The following NCALD variants were observed in gnomAD, a reference collection of about 807,000 sequenced individuals.
The protein encoded by NCALD is neurocalcin delta, also known as neurocalcin-delta.
In NCALD, 10 loss-of-function variants were observed where a neutral mutation model predicts 18.6. The ratio of observed to expected loss-of-function variants is 0.54; its 90% CI spans 0.33 to 0.91. NCALD has a LOEUF of 0.91. NCALD is among the 40% of genes least tolerant of loss of function. The probability of loss-of-function intolerance (pLI) is 0.03; values close to 1 mark genes in which losing one functional copy is unlikely to be tolerated. For synonymous variants in NCALD, 88 were observed against 87.4 expected (o/e 1.01, Z -0.04); for missense variants, 184 against 247.6 (o/e 0.74, Z 1.72).
chr8:102,118,416 C>A (rs192307329), intron 1 of NCALD, among the ~76,000 whole-genome samples: 19 of 152,344 alleles, frequency 1.2e-4, no homozygotes, highest in African/African-American at 4.6e-4. Flanking sequence ...ATTAACTTTC[C>A]TCAGTTACTG....
Position 101,689,138 on chromosome 8 carries a change from G to A in NCALD, c.*171C>T, listed in dbSNP as rs138104462. 3.9e-4 allele frequency: 279 copies of A among 716,570 alleles called. No homozygotes were observed. The highest frequency in any genetic ancestry group is 3.1e-3 in the African/African-American group (180 of 57,452). The allele number at this position is 716,570 out of a possible 1,614,324, so 44.4% of individuals were successfully genotyped here. A position where few individuals can be genotyped will look rare whatever the true frequency, so the allele number is the denominator to read the frequency against. ...ACACTGGGGCTCTGGGCATTCCCAC[G>A]AAGCATCCACGACAAAAGAAGCTGA... On this transcript the variant is annotated 3_prime_UTR_variant, in exon 4 of 4. Transcript: ENST00000220931. This position sits in a 1 kb window ranked among gnomAD's most constrained non-coding sequence, Gnocchi z 4.4.
intron 1 of NCALD, among the ~76,000 whole-genome samples, chr8:102,123,448 T>A (rs75947605): frequency 0.047 from 6,258 of 132,454 alleles, 161 homozygotes; most frequent in South Asian, 0.086. Flanking sequence ...AAAGCAAGCA[T>A]CTGCAGCATT....
intron 1 of NCALD, among the ~76,000 whole-genome samples, chr8:102,023,145 C>A (rs187455874): frequency 1.1e-4 from 16 of 152,172 alleles, no homozygotes; most frequent in African/African-American, 3.9e-4. Context: ...AAGCATCACC[C>A]GCCCTGAAGG....
chr8:101,914,184 A>G (rs1817898000), intron 3 of NCALD, among the ~76,000 whole-genome samples: 1 of 152,164 alleles, frequency 6.6e-6, no homozygotes, highest in Admixed American at 6.5e-5. Flanking sequence ...ACTATCTCTC[A>G]GACTTGAGTT....
At chr8:101,872,319 C>T in intron 4 of NCALD, 1 of 1,412,990 alleles carries the variant, frequency 7.1e-7, no homozygotes, top group Non-Finnish European at 1.0e-6. Context: ...CAGCGAGTCT[C>T]TGCCATCTGT....
At chr8:101,917,959 C>T (rs1209802821) in intron 2 of NCALD, among the ~76,000 whole-genome samples, 1 of 151,986 alleles carries the variant, frequency 6.6e-6, no homozygotes, top group Non-Finnish European at 1.5e-5. Flanking sequence ...GGAGAAAGAA[C>T]TCCTCCCTAA....
At chr8:101,950,942 A>G (rs1819391554) in intron 2 of NCALD, among the ~76,000 whole-genome samples, 1 of 152,354 alleles carries the variant, frequency 6.6e-6, no homozygotes, top group South Asian at 2.1e-4. Context: ...TACAAGTACT[A>G]AACACTACAG....
At chr8:102,118,796 A>G (rs1825863670) in intron 1 of NCALD, among the ~76,000 whole-genome samples, 2 of 152,044 alleles carry the variant, frequency 1.3e-5, no homozygotes, top group Admixed American at 1.3e-4. Flanking sequence ...CAGGCAACAA[A>G]TATCCAATGG....
chr8:102,067,512 G>A (rs971774359), intron 1 of NCALD, among the ~76,000 whole-genome samples: 1 of 151,958 alleles, frequency 6.6e-6, no homozygotes, highest in East Asian at 1.9e-4. Context: ...TTTTAGCAAG[G>A]ACTTTCCAGG....
chr8:101,953,944 G>A (rs1819527231), intron 2 of NCALD, among the ~76,000 whole-genome samples: 1 of 152,320 alleles, frequency 6.6e-6, no homozygotes, highest in East Asian at 1.9e-4. Flanking sequence ...GTCTTGTAGA[G>A]GGCAGAGCCC....
At chr8:102,090,271 A>G (rs1011008995) in intron 1 of NCALD, among the ~76,000 whole-genome samples, 14 of 152,320 alleles carry the variant, frequency 9.2e-5, no homozygotes, top group African/African-American at 2.6e-4. Flanking sequence ...ATTGTTATAT[A>G]CCACAGAAGT....
chr8:101,862,117 A>G (rs1352697290), intron 4 of NCALD, among the ~76,000 whole-genome samples: 1 of 152,242 alleles, frequency 6.6e-6, no homozygotes, highest in African/African-American at 2.4e-5. Flanking sequence ...ACATGTTTTG[A>G]ACTGTCATGT....
intron 2 of NCALD, among the ~76,000 whole-genome samples, chr8:101,957,300 T>G (rs900307699): frequency 2.0e-5 from 3 of 148,042 alleles, no homozygotes; most frequent in Non-Finnish European, 4.5e-5. Context: ...TTTTTTTTTT[T>G]TTTTTTTTTT....
chr8:101,753,408 C>T (rs574838393), intron 1 of NCALD, among the ~76,000 whole-genome samples: 8 of 152,316 alleles, frequency 5.3e-5, no homozygotes, highest in African/African-American at 1.7e-4. Flanking sequence ...TATGACACTG[C>T]TGGTGGTTAC....
rs762660376 is a variant in NCALD, at chr8:101,689,291, G to C, written c.*18C>G. On this transcript the variant is annotated 3_prime_UTR_variant, in exon 4 of 4. Coordinates refer to ENST00000220931, the MANE Select transcript of NCALD (RefSeq NM_032041.3). This position sits in a 1 kb window ranked among gnomAD's most constrained non-coding sequence, Gnocchi z 4.4. ...GGGAACACAAGCAGCTCTACAATTC[G>C]ATTGGTGGGCGCAGGGCTCAGAACT... is the stretch of plus-strand genomic sequence containing the variant. 8 of 1,610,406 alleles carry C rather than the reference G, an allele frequency of 5.0e-6. No individual in the cohort carries two copies. Among genetic ancestry groups the C allele is most frequent in the Admixed American group, 1.7e-5 (1 of 59,600 alleles).
chr8:101,886,097 A>AT (rs1402031086), intron 4 of NCALD, among the ~76,000 whole-genome samples: 2 of 152,158 alleles, frequency 1.3e-5, no homozygotes, highest in Non-Finnish European at 2.9e-5. Flanking sequence ...AAAACATTAG[A>AT]TTTTGTTTAA....
intron 3 of NCALD, among the ~76,000 whole-genome samples, chr8:101,899,668 T>C (rs747094994): frequency 4.6e-5 from 7 of 151,936 alleles, no homozygotes; most frequent in Admixed American, 1.3e-4. Context: ...ACTGTTTATA[T>C]AGTGAATTAC....
chr8:101,951,845 G>A (rs1257530858), intron 2 of NCALD, among the ~76,000 whole-genome samples: 3 of 152,104 alleles, frequency 2.0e-5, no homozygotes, highest in Non-Finnish European at 4.4e-5. Flanking sequence ...CTGTCCCTCA[G>A]GCATCCACAG....
chr8:101,755,832 T>C lies in NCALD; in HGVS notation c.-20+35030A>G, dbSNP rs113599373. Reference sequence around the variant, plus strand: ...CTTCCATGTCCTGTGTGAATATGTATGCATTGTGAATGTGGGGACACACAG... The same window carrying C: ...CTTCCATGTCCTGTGTGAATATGTACGCATTGTGAATGTGGGGACACACAG... On this transcript the variant is annotated intron_variant, in intron 1 of 3. Coordinates refer to ENST00000220931, the MANE Select transcript of NCALD (RefSeq NM_032041.3). Among the ~76,000 whole-genome samples, 231 of 152,346 alleles carry C rather than the reference T, an allele frequency of 1.5e-3. 2 individuals are homozygous for C. The highest frequency in any genetic ancestry group is 5.2e-3 in the African/African-American group (217 of 41,588).
Sources: allele counts gnomAD v4.1 joint callset (sites outside exome capture counted in the v4.1 genomes callset), GRCh38; gene constraint gnomAD v4.1.1; non-coding constraint Gnocchi (gnomAD v3.1); transcripts MANE v1.5; gene names NCBI Gene and HGNC (gene_info 2026-07-23, HGNC 2026-07-21).